The following ABCC5 variants were observed in gnomAD, a reference collection of about 807,000 sequenced individuals.
ABCC5 encodes ATP-binding cassette sub-family C member 5.
In ABCC5, 61 loss-of-function variants were observed where a neutral mutation model predicts 160.9. The observed-to-expected ratio is 0.38, with a 90% CI of 0.31 to 0.47. The LOEUF (loss-of-function observed/expected upper bound fraction) is 0.47. Ranked by LOEUF, ABCC5 falls within the 20% of genes least tolerant of loss-of-function variation. The pLI is 0.99. For missense variants in ABCC5, 1,308 were observed against 1,813.3 expected (o/e 0.72, Z 5.06); for synonymous variants, 666 against 700.6 (o/e 0.95, Z 0.78).
intron 2 of ABCC5, among the ~76,000 whole-genome samples, chr3:183,998,309 T>C (rs1460798564): frequency 6.6e-6 from 1 of 151,986 alleles, no homozygotes; most frequent in Non-Finnish European, 1.5e-5. Context: ...TTCACTTCTA[T>C]TTTGTGGACC....
chr3:183,944,000 A>G (rs1392792488), intron 24 of ABCC5, among the ~76,000 whole-genome samples: 2 of 152,234 alleles, frequency 1.3e-5, no homozygotes, highest in East Asian at 3.8e-4. Flanking sequence ...TAAGCTTAAG[A>G]AATATTCTAC....
chr3:183,991,695 C>G (rs1291363735), intron 2 of ABCC5, among the ~76,000 whole-genome samples: 2 of 152,198 alleles, frequency 1.3e-5, no homozygotes, highest in Non-Finnish European at 2.9e-5. Context: ...GAGTCAACAA[C>G]AAGAACGAAC....
Position 183,921,410 on chromosome 3 carries a change from G to C in ABCC5, c.4213-9C>G. 1 of 1,611,184 alleles carries C rather than the reference G, an allele frequency of 6.2e-7. No individual in the cohort carries two copies. Among genetic ancestry groups the C allele is most frequent in the Middle Eastern group, 1.7e-4 (1 of 6,054 alleles). On this transcript the variant is annotated splice_polypyrimidine_tract_variant and intron_variant, in intron 29 of 29. Coordinates refer to ENST00000334444, the MANE Select transcript of ABCC5 (RefSeq NM_005688.4). The surrounding 1 kb of genome is among the most constrained non-coding windows in gnomAD (Gnocchi z 4.1). ...GTGTCAAACTCCACCACCTGCAAAA[G>C]AAGGAGACGCCGTCAGGACACAGCT...
intron 5 of ABCC5, chr3:183,983,985 T>C (rs1718974329): frequency 2.0e-6 from 2 of 985,258 alleles, no homozygotes; most frequent in Non-Finnish European, 2.4e-6. Flanking sequence ...GAGTCCAAAG[T>C]AGTATATCAG....
Position 183,957,832 on chromosome 3 carries a change from T to G in ABCC5, c.2482+1901A>C, listed in dbSNP as rs12633448. Among the ~76,000 whole-genome samples the G allele has an allele frequency of 3.9e-3, 442 of 113,430 alleles. 3 individuals carry two copies. The highest frequency in any genetic ancestry group is 0.01 in the East Asian group (33 of 3,224). 74.4% of individuals were successfully genotyped at this position (113,430 alleles called of 152,430 possible). A position where few individuals can be genotyped will look rare whatever the true frequency, so the allele number is the denominator to read the frequency against. On this transcript the variant is annotated intron_variant, in intron 17 of 29. Coordinates refer to ENST00000334444, the MANE Select transcript of ABCC5 (RefSeq NM_005688.4). ...CGCAGATCCGTGTGTATATCACATC[T>G]GTTACATGCGGATCCGTGTGTATAT... is the stretch of plus-strand genomic sequence containing the variant.
chr3:184,005,908 T>TAAA (rs11429168), intron 2 of ABCC5, among the ~76,000 whole-genome samples: 65 of 147,178 alleles, frequency 4.4e-4, no homozygotes, highest in African/African-American at 1.4e-3. Flanking sequence ...TTTAGGTACT[T>TAAA]AAAAAAAAAA....
rs1715335349 is a variant in ABCC5 at position 183,951,449 on chromosome 3, A to G, written c.2936T>C (p.Met979Thr). Reference sequence around the variant, plus strand: ...GGCTCAGTGAGAAATACCTTCATCCATGTCTTTGGAAAACCTGTTGAGAAT... The same window carrying G: ...GGCTCAGTGAGAAATACCTTCATCCGTGTCTTTGGAAAACCTGTTGAGAAT... ...GRILNRFSKD[M>T]DEVDVRLPFQ... The change falls in exon 20 of 30, where the codon ATG becomes ACG. Residue 979 changes from methionine to threonine, a missense_variant. Around this residue, in one of 3 missense-constraint regions of ABCC5, gnomAD observed 1,142 missense variants for 1,527.1 expected, o/e 0.75. Coordinates refer to ENST00000334444, the MANE Select transcript of ABCC5 (RefSeq NM_005688.4). This position sits in a 1 kb window ranked among gnomAD's most constrained non-coding sequence, Gnocchi z 4.7. 1 of 1,614,134 alleles carries G rather than the reference A, an allele frequency of 6.2e-7. No individual in the cohort carries two copies. The highest frequency in any genetic ancestry group is 2.2e-5 in the East Asian group (1 of 44,882).
chr3:183,963,716 G>T lies in ABCC5; in HGVS notation c.2032-128C>A. The T allele has an allele frequency of 1.2e-6, 1 of 814,532 alleles. No homozygotes were observed. Among genetic ancestry groups the T allele is most frequent in the Non-Finnish European group, 1.8e-6 (1 of 552,860 alleles). 50.5% of individuals were successfully genotyped at this position (814,532 alleles called of 1,614,324 possible). A position where few individuals can be genotyped will look rare whatever the true frequency, so the allele number is the denominator to read the frequency against. On this transcript the variant is annotated intron_variant, in intron 14 of 29. Coordinates refer to ENST00000334444, the MANE Select transcript of ABCC5 (RefSeq NM_005688.4). The surrounding 1 kb of genome is among the most constrained non-coding windows in gnomAD (Gnocchi z 4.6). ...TCTGTCAATTCCCCGCAGATGAACT[G>T]CCATGCTGATTCCCCGCAGATGAAC...
At chr3:183,966,279 C>T (rs1428861785) in intron 12 of ABCC5, among the ~76,000 whole-genome samples, 1 of 152,224 alleles carries the variant, frequency 6.6e-6, no homozygotes, top group East Asian at 1.9e-4. Context: ...TACCTACGTA[C>T]ACCACAAACT....
intron 2 of ABCC5, among the ~76,000 whole-genome samples, chr3:183,992,461 A>T (rs1456282600): frequency 1.3e-5 from 2 of 152,182 alleles, no homozygotes; most frequent in Non-Finnish European, 2.9e-5. Context: ...ATACATCAAC[A>T]TCTCTGGGAT....
rs7621683 is a variant in ABCC5 at position 184,001,299 on chromosome 3, T to C, written c.130-11916A>G. The C allele has an allele frequency of 4.1e-3, 1,942 of 471,926 alleles. 29 individuals are homozygous for C. The highest frequency in any genetic ancestry group is 0.034 in the African/African-American group (1,723 of 51,088). 29.2% of individuals were successfully genotyped at this position (471,926 alleles called of 1,614,324 possible). A position where few individuals can be genotyped will look rare whatever the true frequency, so the allele number is the denominator to read the frequency against. ...AAATTAATTTAAATAATATATTTCA[T>C]TTAACCCAATGCAAAGTATTATCTT... is the stretch of plus-strand genomic sequence containing the variant. On this transcript the variant is annotated intron_variant, in intron 2 of 29. Transcript: ENST00000334444.
chr3:183,957,522 T>C (rs77684739), intron 17 of ABCC5, among the ~76,000 whole-genome samples: 11 of 117,536 alleles, frequency 9.4e-5, no homozygotes, highest in African/African-American at 3.5e-4. Flanking sequence ...GGTTACATGC[T>C]TATCTGTGTG....
chr3:183,972,445 T>C (rs1460770873), intron 10 of ABCC5, among the ~76,000 whole-genome samples: 2 of 152,124 alleles, frequency 1.3e-5, no homozygotes, highest in Non-Finnish European at 1.5e-5. Flanking sequence ...TATCTAAAGT[T>C]TCATCTACCG....
chr3:183,978,286 G>A (rs1354033402), intron 9 of ABCC5, among the ~76,000 whole-genome samples: 2 of 151,616 alleles, frequency 1.3e-5, no homozygotes, highest in Non-Finnish European at 2.9e-5. Flanking sequence ...AGTAAGGAGA[G>A]GACCACAGCA....
At chr3:183,952,191 G>C (rs1176920428) in intron 18 of ABCC5, among the ~76,000 whole-genome samples, 188 bp from the exon 19 acceptor site, 1 of 145,804 alleles carries the variant, frequency 6.9e-6, no homozygotes, top group Non-Finnish European at 1.5e-5. Flanking sequence ...CTGTCACCCA[G>C]GCTGGAGTGC....
In ABCC5 at chr3:183,950,002, A is replaced by G. The variant is rs770048755; in HGVS notation, c.3068T>C (p.Ile1023Thr). The part of the protein sequence containing the change: ...WFLVAVGPLV[I>T]LFSVLHIVSR... ...GACAATGTGCAGGACTGAAAAGAGG[A>G]TGACAAGGGGCCCCACTGCCACAAG... Residue 1023 changes from isoleucine (I) to threonine (T), a missense_variant, in exon 21 of 30, where the codon ATC becomes ACC. Physicochemically the swap from Ile to Thr is moderately conservative, Grantham distance 89. This residue lies in a region of ABCC5 where 1,142 missense variants were observed against 1,527.1 expected (regional missense o/e 0.75). Transcript: ENST00000334444. 5.0e-6 allele frequency: 8 copies of G among 1,614,168 alleles called. No individual in the cohort carries two copies. The highest frequency in any genetic ancestry group is 3.3e-5 in the South Asian group (3 of 91,078).
intron 2 of ABCC5, among the ~76,000 whole-genome samples, chr3:183,989,592 CT>C (rs10670556): frequency 1.1e-3 from 165 of 145,454 alleles, no homozygotes; most frequent in South Asian, 1.3e-3. Context: ...AAACAGTTTT[CT>C]TTTTTTTTTT....
chr3:183,952,401 C>T (rs1195456138), intron 18 of ABCC5, among the ~76,000 whole-genome samples: 1 of 152,140 alleles, frequency 6.6e-6, no homozygotes, highest in African/African-American at 2.4e-5. Flanking sequence ...CCTGCCTTGG[C>T]CTCTCAAAGT....
chr3:183,960,994 GCC>G (rs1169118323), intron 16 of ABCC5, among the ~76,000 whole-genome samples: 1 of 152,018 alleles, frequency 6.6e-6, no homozygotes, highest in Non-Finnish European at 1.5e-5. Context: ...TCTCTATGTT[GCC>G]CAAGCTGGTG....
Sources: allele counts gnomAD v4.1 joint callset (sites outside exome capture counted in the v4.1 genomes callset), GRCh38; gene constraint gnomAD v4.1.1; regional missense constraint gnomAD v4.1.1; non-coding constraint Gnocchi (gnomAD v3.1); transcripts MANE v1.5; gene names NCBI Gene and HGNC (gene_info 2026-07-23, HGNC 2026-07-21).